The following TENM4 variants were observed in gnomAD, a reference collection of about 807,000 sequenced individuals.
TENM4 encodes the protein teneurin transmembrane protein 4.
Under a neutral mutation model 243.3 loss-of-function variants are expected in TENM4, and 82 were observed. The ratio of observed to expected loss-of-function variants is 0.34; its 90% confidence interval spans 0.28 to 0.40. The LOEUF is 0.40. TENM4 is among the 10% of genes least tolerant of loss of function. TENM4 has a pLI of 1.00. For missense variants in TENM4, 3,138 were observed against 3,673.3 expected (o/e 0.85, Z 3.77); for synonymous variants, 1,412 against 1,456.3 (o/e 0.97, Z 0.69).
intron 6 of TENM4, among the ~76,000 whole-genome samples, chr11:79,054,888 T>C (rs1435894554): frequency 6.6e-6 from 1 of 152,102 alleles, no homozygotes; most frequent in Non-Finnish European, 1.5e-5. Context: ...ACCAGCACTT[T>C]GGGAGGCTGA....
At chr11:79,173,908 CAA>C (rs1166576062) in intron 3 of TENM4, among the ~76,000 whole-genome samples, 1 of 152,118 alleles carries the variant, frequency 6.6e-6, no homozygotes, top group East Asian at 1.9e-4. Flanking sequence ...GTCATTTGTG[CAA>C]AGAGACAGAG....
At chr11:79,274,358 A>G (rs372161027) in intron 2 of TENM4, among the ~76,000 whole-genome samples, 9 of 152,370 alleles carry the variant, frequency 5.9e-5, no homozygotes, top group African/African-American at 2.2e-4. Flanking sequence ...TGGTCCTGCA[A>G]TAAATTAAGA....
At chr11:78,946,395 C>T (rs1281064030) in intron 6 of TENM4, among the ~76,000 whole-genome samples, 5 of 152,210 alleles carry the variant, frequency 3.3e-5, no homozygotes, top group Non-Finnish European at 2.9e-5. Flanking sequence ...AGAGCTACTG[C>T]TCAGAAGAAA....
At chr11:79,073,829 T>C (rs1229074746) in intron 4 of TENM4, among the ~76,000 whole-genome samples, 1 of 152,242 alleles carries the variant, frequency 6.6e-6, no homozygotes, top group African/African-American at 2.4e-5. Flanking sequence ...TGTTAGCTAT[T>C]ATTATCATCA....
chr11:79,364,326 T>C (rs1857639934), intron 1 of TENM4, among the ~76,000 whole-genome samples: 1 of 152,190 alleles, frequency 6.6e-6, no homozygotes, highest in Non-Finnish European at 1.5e-5. Flanking sequence ...GGGCCTGCCA[T>C]GGATGACAAG....
At chr11:79,051,688 G>A (rs1859797057) in intron 6 of TENM4, among the ~76,000 whole-genome samples, 1 of 152,144 alleles carries the variant, frequency 6.6e-6, no homozygotes, top group African/African-American at 2.4e-5. Context: ...TTAAGTTCAG[G>A]GGTATATGTG....
At chr11:78,685,402 G>A (rs1383660018) in intron 29 of TENM4, among the ~76,000 whole-genome samples, 1 of 152,148 alleles carries the variant, frequency 6.6e-6, no homozygotes, top group East Asian at 1.9e-4. Context: ...ATCTGAGCCT[G>A]GTACTCAAGA....
intron 4 of TENM4, among the ~76,000 whole-genome samples, chr11:79,126,670 T>A (rs1175953831): frequency 6.6e-6 from 1 of 152,178 alleles, no homozygotes. Flanking sequence ...GACAAAAGAC[T>A]AATTTGAATA....
chr11:78,671,285 GTC>G (rs10701077), intron 31 of TENM4, among the ~76,000 whole-genome samples: 1 of 151,130 alleles, frequency 6.6e-6, no homozygotes, highest in South Asian at 2.1e-4. Context: ...GACCTCCAAG[GTC>G]TCTCTCTCTC....
chr11:79,395,186 C>A (rs1303260501), intron 1 of TENM4, among the ~76,000 whole-genome samples: 2 of 152,232 alleles, frequency 1.3e-5, no homozygotes, highest in Non-Finnish European at 2.9e-5. Context: ...CAACTAATTC[C>A]TCCCTGAATT....
At chr11:79,052,481 T>C (rs1412242137) in intron 6 of TENM4, among the ~76,000 whole-genome samples, 1 of 152,196 alleles carries the variant, frequency 6.6e-6, no homozygotes, top group Admixed American at 6.5e-5. Flanking sequence ...AACCCTTGTT[T>C]TATGGGCTGA....
At chr11:79,105,120 C>T (rs1861333965) in intron 4 of TENM4, among the ~76,000 whole-genome samples, 1 of 152,196 alleles carries the variant, frequency 6.6e-6, no homozygotes, top group Admixed American at 6.5e-5. Context: ...GTGTGAGCCA[C>T]CAACGAACCC....
chr11:78,814,117 A>G (rs1005467425), intron 13 of TENM4, among the ~76,000 whole-genome samples, 177 bp downstream of exon 13: 3 of 152,024 alleles, frequency 2.0e-5, no homozygotes, highest in African/African-American at 7.2e-5. Flanking sequence ...GCAGCTGACA[A>G]GGTTATGGCT....
intron 6 of TENM4, among the ~76,000 whole-genome samples, chr11:78,949,258 G>C (rs987187561): frequency 1.3e-5 from 2 of 152,202 alleles, no homozygotes; most frequent in East Asian, 3.8e-4. Flanking sequence ...CCCTCAGCAG[G>C]ACTGGATGTT....
chr11:79,009,212 C>T (rs918975798), intron 6 of TENM4, among the ~76,000 whole-genome samples: 9 of 152,168 alleles, frequency 5.9e-5, no homozygotes, highest in Non-Finnish European at 1.0e-4. Flanking sequence ...GCTGGACACA[C>T]GTGGGTTTTT....
chr11:79,278,195 G>T (rs1428047683), intron 2 of TENM4, among the ~76,000 whole-genome samples: 1 of 152,176 alleles, frequency 6.6e-6, no homozygotes, highest in African/African-American at 2.4e-5. Flanking sequence ...GTTCCGATGA[G>T]GATTCAAGGC....
At chr11:79,433,188 A>G (rs548972452) in intron 1 of TENM4, among the ~76,000 whole-genome samples, 2 of 152,342 alleles carry the variant, frequency 1.3e-5, no homozygotes, top group South Asian at 4.1e-4. Flanking sequence ...AGCAGTAGAT[A>G]GCTTGAAATC....
chr11:78,723,256 A>G (rs1260762171), intron 23 of TENM4, among the ~76,000 whole-genome samples: 1 of 152,206 alleles, frequency 6.6e-6, no homozygotes, highest in Non-Finnish European at 1.5e-5. Context: ...ATTCACCTAC[A>G]CTGCCTCTCA....
At chr11:79,065,147 T>A in intron 5 of TENM4, 140 bp from the exon 6 acceptor site, 2 of 1,315,538 alleles carry the variant, frequency 1.5e-6, no homozygotes, top group Non-Finnish European at 2.0e-6. Context: ...CATGCCTTTG[T>A]TCAAGTGATT....
Sources: gnomAD v4.1 joint callset for allele counts (sites outside exome capture counted in the v4.1 genomes callset) on GRCh38, gnomAD v4.1.1 for gene constraint, MANE v1.5 for transcripts, NCBI Gene and HGNC (gene_info 2026-07-23, HGNC 2026-07-21) for gene names.